The following ADGRV1 variants were observed in gnomAD, a reference collection of about 807,000 sequenced individuals.
ADGRV1 encodes adhesion G protein-coupled receptor V1, also known as G-protein coupled receptor 98.
Under a neutral mutation model 596.2 loss-of-function variants are expected in ADGRV1, and 359 were observed. That is an observed-to-expected ratio of 0.60 (90% confidence interval 0.55 to 0.66). ADGRV1 has a LOEUF of 0.66. ADGRV1 is among the 30% of genes least tolerant of loss of function. The probability of loss-of-function intolerance (pLI) is 0.00; values close to 1 mark genes in which losing one functional copy is unlikely to be tolerated. For missense variants in ADGRV1, 7,274 were observed against 7,575.6 expected, an observed-to-expected ratio of 0.96 and a Z score of 1.48; for synonymous variants, 2,681 against 2,679.2, an observed-to-expected ratio of 1.00 and a Z score of -0.02.
intron 89 of ADGRV1, among the ~76,000 whole-genome samples, chr5:91,160,548 T>G (rs1381534193): frequency 6.6e-6 from 1 of 152,226 alleles, no homozygotes; most frequent in Non-Finnish European, 1.5e-5. Context: ...ATGATGAATG[T>G]AAATTATTAC....
At chr5:91,024,009 G>A (rs1160855501) in intron 85 of ADGRV1, among the ~76,000 whole-genome samples, 1 of 152,072 alleles carries the variant, frequency 6.6e-6, no homozygotes, top group East Asian at 1.9e-4. Context: ...TTTAAAAGTA[G>A]TACTAATTCA....
At chr5:90,920,872 T>C (rs934144627) in intron 83 of ADGRV1, among the ~76,000 whole-genome samples, 3 of 152,224 alleles carry the variant, frequency 2.0e-5, no homozygotes, top group African/African-American at 2.4e-5. Context: ...TCAAATTCAA[T>C]TGTCATTTTC....
chr5:90,926,598 T>C (rs1774491007), intron 83 of ADGRV1, among the ~76,000 whole-genome samples: 1 of 151,954 alleles, frequency 6.6e-6, no homozygotes, highest in South Asian at 2.1e-4. Context: ...CTGGATTCAT[T>C]AATTTTTTGA....
chr5:90,804,354 A>G (rs761523304), intron 71 of ADGRV1, among the ~76,000 whole-genome samples: 4 of 152,032 alleles, frequency 2.6e-5, no homozygotes, highest in Non-Finnish European at 5.9e-5. Flanking sequence ...GTGAACCGAG[A>G]TCGTACCATT....
At chr5:90,601,007 C>A (rs921450663) in intron 1 of ADGRV1, among the ~76,000 whole-genome samples, 1 of 152,040 alleles carries the variant, frequency 6.6e-6, no homozygotes, top group Non-Finnish European at 1.5e-5. Flanking sequence ...GAGGCCGAGG[C>A]GGGTGGATCA....
intron 21 of ADGRV1, among the ~76,000 whole-genome samples, chr5:90,666,739 C>T (rs550782024): frequency 7.3e-4 from 111 of 151,482 alleles, no homozygotes; most frequent in African/African-American, 2.3e-3. Context: ...GATTTTGCAG[C>T]GGCTGGTACC....
intron 84 of ADGRV1, among the ~76,000 whole-genome samples, chr5:90,968,993 C>T (rs1778717574): frequency 6.6e-6 from 1 of 152,100 alleles, no homozygotes; most frequent in African/African-American, 2.4e-5. Context: ...AGAATAAATA[C>T]ATTGAAATGA....
chr5:90,933,017 C>G (rs1219898174), intron 83 of ADGRV1, among the ~76,000 whole-genome samples: 1 of 152,170 alleles, frequency 6.6e-6, no homozygotes, highest in Non-Finnish European at 1.5e-5. Context: ...AATAATCACT[C>G]TCTGAAGACT....
intron 55 of ADGRV1, among the ~76,000 whole-genome samples, chr5:90,755,635 C>T (rs2149976882): frequency 6.6e-6 from 1 of 151,610 alleles, no homozygotes; most frequent in East Asian, 1.9e-4. Flanking sequence ...CTGGTTTTAG[C>T]TATCTGTATT....
At chr5:90,848,298 G>A (rs1419109615) in intron 78 of ADGRV1, among the ~76,000 whole-genome samples, 1 of 151,922 alleles carries the variant, frequency 6.6e-6, no homozygotes, top group Non-Finnish European at 1.5e-5. Context: ...GAATCCCTAG[G>A]GTAGATGTAA....
intron 75 of ADGRV1, among the ~76,000 whole-genome samples, chr5:90,819,716 T>C (rs1763277270): frequency 6.6e-6 from 1 of 151,934 alleles, no homozygotes; most frequent in South Asian, 2.1e-4. Flanking sequence ...TTCCATGTAG[T>C]TGAGCGGTTT....
At chr5:90,679,450 T>C (rs2149567625) in intron 25 of ADGRV1, 99 bp from the exon 26 acceptor site, 1 of 706,054 alleles carries the variant, frequency 1.4e-6, no homozygotes. Flanking sequence ...TGAATATTAC[T>C]GCATTTTCCT....
intron 83 of ADGRV1, among the ~76,000 whole-genome samples, chr5:90,881,600 G>A (rs536948553): frequency 6.6e-6 from 1 of 152,212 alleles, no homozygotes; most frequent in South Asian, 2.1e-4. Flanking sequence ...ATTGGGTGAT[G>A]TATATCAGGG....
chr5:90,839,912 C>T (rs993000698), intron 77 of ADGRV1, among the ~76,000 whole-genome samples: 3 of 152,184 alleles, frequency 2.0e-5, no homozygotes, highest in Non-Finnish European at 4.4e-5. Flanking sequence ...CATTGTATGT[C>T]ACTTGGCTTG....
At chr5:90,828,579 A>G (rs1764256101) in intron 76 of ADGRV1, among the ~76,000 whole-genome samples, 1 of 152,092 alleles carries the variant, frequency 6.6e-6, no homozygotes, top group African/African-American at 2.4e-5. Flanking sequence ...ATATTTTGAG[A>G]TGCATCTGTG....
At chr5:91,080,952 A>G (rs139703941) in intron 86 of ADGRV1, among the ~76,000 whole-genome samples, 1 of 152,140 alleles carries the variant, frequency 6.6e-6, no homozygotes, top group East Asian at 1.9e-4. Flanking sequence ...TATCTCTCAA[A>G]TGTTCCCCTC....
intron 87 of ADGRV1, among the ~76,000 whole-genome samples, chr5:91,139,226 G>A (rs1349430923): frequency 6.6e-6 from 1 of 152,156 alleles, no homozygotes; most frequent in Non-Finnish European, 1.5e-5. Context: ...TCTAAAACAA[G>A]ACCATTTAGG....
intron 1 of ADGRV1, among the ~76,000 whole-genome samples, chr5:90,577,591 A>G (rs1757401372): frequency 6.6e-6 from 1 of 152,072 alleles, no homozygotes; most frequent in African/African-American, 2.4e-5. Flanking sequence ...GATTGTCTTG[A>G]CAATGTGGGC....
Position 91,029,122 on chromosome 5 carries a change from A to G in ADGRV1, c.18153-43325A>G, listed in dbSNP as rs138940584. 4.8e-3 allele frequency among the ~76,000 whole-genome samples: 733 copies of G among 152,294 alleles called. 4 individuals are homozygous for G. Among genetic ancestry groups the G allele is most frequent in the Middle Eastern group, 0.02 (6 of 294 alleles). On this transcript the variant is annotated intron_variant, in intron 85 of 89. Transcript: ENST00000405460. ...ACTCCACATTCTACTCCTTCATATT[A>G]TGAAAGTTGGTGTATATTTTTTCCA...
Sources: allele counts gnomAD v4.1 joint callset (sites outside exome capture counted in the v4.1 genomes callset), GRCh38; gene constraint gnomAD v4.1.1; transcripts MANE v1.5; gene names NCBI Gene and HGNC (gene_info 2026-07-23, HGNC 2026-07-21).